Variants in CDH8 observed in about 807,000 individuals in gnomAD.
The protein encoded by CDH8 is cadherin 8, also known as cadherin-8.
A neutral mutation model predicts 68.1 loss-of-function variants in CDH8; 17 were observed. The ratio of observed to expected loss-of-function variants is 0.25; its 90% CI spans 0.17 to 0.37. The LOEUF is 0.37. Among genes scored for constraint, CDH8 ranks in the 10% least tolerant of loss-of-function variants. The probability of loss-of-function intolerance (pLI) is 1.00; values close to 1 mark genes in which losing one functional copy is unlikely to be tolerated. For missense variants in CDH8, 763 were observed against 999.3 expected (o/e 0.76, Z 3.19); for synonymous variants, 372 against 365.1 (o/e 1.02, Z -0.21).
At chr16:61,833,118 T>A in intron 4 of CDH8, among the ~76,000 whole-genome samples, 1 of 151,638 alleles carries the variant, frequency 6.6e-6, no homozygotes, top group African/African-American at 2.4e-5. Flanking sequence ...TTAATTGCAA[T>A]CAAGAGTTTA....
At chr16:61,679,416 AT>A (rs994824458) in intron 10 of CDH8, among the ~76,000 whole-genome samples, 1 of 151,940 alleles carries the variant, frequency 6.6e-6, no homozygotes, top group Non-Finnish European at 1.5e-5. Flanking sequence ...CAATGGAACA[AT>A]TTTTTTGAAT....
At chr16:62,028,427 T>C (rs117361992) in intron 1 of CDH8, among the ~76,000 whole-genome samples, 2,645 of 152,172 alleles carry the variant, frequency 0.017, 37 homozygotes, top group Admixed American at 0.027. Flanking sequence ...AAGTTTTTGT[T>C]TTCTTTAAGT....
intron 2 of CDH8, among the ~76,000 whole-genome samples, chr16:61,971,538 C>T (rs113708196): frequency 0.012 from 1,752 of 152,222 alleles, 27 homozygotes; most frequent in African/African-American, 0.039. Flanking sequence ...TCTCTGGGCA[C>T]GCCACCCTGC....
chr16:61,889,939 G>C (rs1399946148), intron 3 of CDH8, among the ~76,000 whole-genome samples: 2 of 152,050 alleles, frequency 1.3e-5, no homozygotes, highest in Non-Finnish European at 2.9e-5. Flanking sequence ...TAAGTGTTTT[G>C]ATTTTTCTTA....
Position 61,655,583 on chromosome 16 carries a change from C to T in CDH8, c.1793G>A (p.Gly598Asp). 6.2e-7 allele frequency: 1 copy of T among 1,614,166 alleles called. No individual in the cohort carries two copies. The highest frequency in any genetic ancestry group is 8.5e-7 in the Non-Finnish European group (1 of 1,180,036). The part of the protein sequence containing the change: ...STSTLTIRVC[G>D]CSNDGVVQSC... ...CTGGACGACACCGTCATTGCTGCAGCCACAGACCCTGATTGTCAAGGTGCT... is the reference window on the plus strand; with the variant it reads ...CTGGACGACACCGTCATTGCTGCAGTCACAGACCCTGATTGTCAAGGTGCT... The change falls in exon 11 of 12, where the codon GGC becomes GAC. Residue 598 changes from glycine (G) to aspartate (D), a missense_variant. This residue lies in a region of CDH8 where 397 missense variants were observed against 436.2 expected (regional missense o/e 0.91). Coordinates refer to ENST00000577390, the MANE Select transcript of CDH8 (RefSeq NM_001796.5).
intron 2 of CDH8, among the ~76,000 whole-genome samples, chr16:61,939,669 G>C (rs1964681160): frequency 6.6e-6 from 1 of 152,104 alleles, no homozygotes; most frequent in African/African-American, 2.4e-5. Flanking sequence ...ATACCAAAAA[G>C]CTAAATACCA....
At chr16:62,014,990 T>A (rs1374191070) in intron 2 of CDH8, among the ~76,000 whole-genome samples, 1 of 150,892 alleles carries the variant, frequency 6.6e-6, no homozygotes, top group Non-Finnish European at 1.5e-5. Context: ...GAGCCAAAAA[T>A]CGATGTTACA....
Position 61,901,310 on chromosome 16 carries a change from A to G in CDH8, c.416T>C (p.Val139Ala). ...CAGAGGTTTGCTTGTCTCCCAGTCC[A>G]CTGCTTGAGCTGTTAGGGTATACTC... Reference protein sequence around the residue: ...KAEYTLTAQAVDWETSKPLEP... With the variant: ...KAEYTLTAQAADWETSKPLEP... Residue 139 changes from valine to alanine, a missense_variant, in exon 3 of 12, where the codon GTG becomes GCG. This residue lies in a region of CDH8 where 366 missense variants were observed against 563.1 expected (regional missense o/e 0.65). Transcript: ENST00000577390. 1 of 1,613,998 alleles carries G rather than the reference A, an allele frequency of 6.2e-7. No individual in the cohort carries two copies. The highest frequency in any genetic ancestry group is 8.5e-7 in the Non-Finnish European group (1 of 1,179,974).
At chr16:61,854,153 C>CAGA (rs1472191510) in intron 4 of CDH8, among the ~76,000 whole-genome samples, 1 of 151,190 alleles carries the variant, frequency 6.6e-6, no homozygotes, top group African/African-American at 2.5e-5. Flanking sequence ...CACACACACA[C>CAGA]ACACACTGCA....
At chr16:61,696,275 G>T (rs539748669) in intron 10 of CDH8, among the ~76,000 whole-genome samples, 3 of 152,180 alleles carry the variant, frequency 2.0e-5, no homozygotes, top group Admixed American at 6.5e-5. Flanking sequence ...ATTGCAATGG[G>T]GCTATCAATC....
intron 4 of CDH8, among the ~76,000 whole-genome samples, chr16:61,829,766 A>T (rs999559222): frequency 2.0e-5 from 3 of 151,778 alleles, no homozygotes; most frequent in Non-Finnish European, 4.4e-5. Flanking sequence ...ATTGGCTTCA[A>T]TTCAAACTGA....
intron 10 of CDH8, among the ~76,000 whole-genome samples, chr16:61,698,656 T>C (rs986524545): frequency 6.6e-6 from 1 of 152,210 alleles, no homozygotes; most frequent in African/African-American, 2.4e-5. Context: ...GGACCTAAAA[T>C]ACTGGAGCTG....
intron 2 of CDH8, among the ~76,000 whole-genome samples, chr16:61,912,120 T>G (rs891367187): frequency 2.6e-5 from 4 of 152,040 alleles, no homozygotes; most frequent in Admixed American, 1.3e-4. Flanking sequence ...AGGAACACAG[T>G]AGATAACCAA....
intron 3 of CDH8, among the ~76,000 whole-genome samples, chr16:61,892,408 CAA>C (rs1567516662): frequency 6.6e-6 from 1 of 152,008 alleles, no homozygotes; most frequent in African/African-American, 2.4e-5. Context: ...CTAAATCTCC[CAA>C]AGAGTATATT....
intron 10 of CDH8, among the ~76,000 whole-genome samples, chr16:61,684,243 G>T (rs1485612312): frequency 6.6e-6 from 1 of 151,964 alleles, no homozygotes; most frequent in Non-Finnish European, 1.5e-5. Flanking sequence ...TAGAAGACTA[G>T]GTTAAGAAAG....
At chr16:62,030,940 G>T (rs893752795) in intron 1 of CDH8, among the ~76,000 whole-genome samples, 2 of 152,076 alleles carry the variant, frequency 1.3e-5, no homozygotes, top group African/African-American at 4.8e-5. Context: ...TGAGGGTAAG[G>T]TGAACTGTTC....
intron 2 of CDH8, among the ~76,000 whole-genome samples, chr16:61,969,078 G>A (rs1010627241): frequency 6.6e-6 from 1 of 152,218 alleles, no homozygotes; most frequent in Non-Finnish European, 1.5e-5. Flanking sequence ...CTCAGTCAGA[G>A]CTTCATGTTT....
intron 6 of CDH8, 38 bp downstream of exon 6, chr16:61,820,888 A>G: frequency 6.4e-7 from 1 of 1,557,302 alleles, no homozygotes; most frequent in Non-Finnish European, 8.8e-7. Flanking sequence ...AGTTTCAACA[A>G]GATATTTTGA....
intron 8 of CDH8, among the ~76,000 whole-genome samples, chr16:61,783,330 G>C (rs1469606626): frequency 1.6e-5 from 2 of 127,800 alleles, no homozygotes; most frequent in Non-Finnish European, 3.2e-5. Flanking sequence ...TGGAAGAAAG[G>C]GTATCAGCAA....
Sources: gnomAD v4.1 joint callset for allele counts (sites outside exome capture counted in the v4.1 genomes callset) on GRCh38, gnomAD v4.1.1 for gene constraint, gnomAD v4.1.1 regional missense constraint, MANE v1.5 for transcripts, NCBI Gene and HGNC (gene_info 2026-07-23, HGNC 2026-07-21) for gene names.